GYG2: variants seen among roughly 807,000 people sequenced by gnomAD.
The protein encoded by GYG2 is glycogenin-2.
Under a neutral mutation model 29.4 loss-of-function variants are expected in GYG2, and 29 were observed. The observed-to-expected ratio is 0.99, with a 90% CI of 0.74 to 1.35. GYG2 has a LOEUF of 1.35. Among genes scored for constraint, GYG2 ranks in the 40% most tolerant of loss-of-function variants. GYG2 has a pLI of 0.00. For missense variants in GYG2, 370 were observed against 385.7 expected (o/e 0.96, Z 0.34); for synonymous variants, 167 against 172.3 (o/e 0.97, Z 0.24).
chrX:2,850,749 C>G (rs1284782824), intron 3 of GYG2, among the ~76,000 whole-genome samples: 1 of 110,863 alleles, frequency 9.0e-6, no homozygotes, highest in Non-Finnish European at 1.9e-5. Flanking sequence ...CCACTCCTGC[C>G]CACCAGAGAA....
At chrX:2,852,420 G>A (rs1172796079) in intron 3 of GYG2, among the ~76,000 whole-genome samples, 1 of 111,399 alleles carries the variant, frequency 9.0e-6, no homozygotes, top group Non-Finnish European at 1.9e-5. Flanking sequence ...TCTAGCACTT[G>A]CTTAATTTTT....
intron 3 of GYG2, among the ~76,000 whole-genome samples, chrX:2,844,999 A>ATATATTTATATACACATGTGTATG (rs1250374208): frequency 1.6e-5 from 1 of 61,093 alleles, no homozygotes; most frequent in African/African-American, 6.1e-5. Flanking sequence ...ATATGTTCAA[A>ATATATTTATATACACATGTGTATG]TATATTTATA....
At chrX:2,842,140 A>G (rs868312765) in intron 2 of GYG2, among the ~76,000 whole-genome samples, 18 of 110,937 alleles carry the variant, frequency 1.6e-4, no homozygotes, top group Middle Eastern at 4.6e-3. Context: ...TTTAAATAAC[A>G]TGTTTGGCTG....
Position 2,855,122 on chromosome X carries a change from C to T in GYG2, c.454C>T (p.Leu152=), listed in dbSNP as rs1302135637. ...TTCTCTCCACACGCATAAACTCCTG[C>T]TACAGCACGCCATGGAACACGGCAG... ...QPSLHTHKLL[L]QHAMEHGSFD... Residue 152 remains leucine, a synonymous_variant, in exon 5 of 11, where the codon CTA becomes TTA. Coordinates refer to ENST00000398806, the MANE Select transcript of GYG2 (RefSeq NM_001079855.2). The T allele has an allele frequency of 1.7e-6, 2 of 1,209,901 alleles. No homozygotes were observed. Among genetic ancestry groups the T allele is most frequent in the Non-Finnish European group, 2.2e-6 (2 of 894,931 alleles).
intron 2 of GYG2, among the ~76,000 whole-genome samples, chrX:2,834,456 C>A (rs1200412854): frequency 8.9e-6 from 1 of 111,967 alleles, no homozygotes; most frequent in Non-Finnish European, 1.9e-5. Context: ...CCATTTATCC[C>A]TGAGCTTGGA....
At chrX:2,874,443 C>G (rs1358209355) in intron 8 of GYG2, among the ~76,000 whole-genome samples, 1 of 112,518 alleles carries the variant, frequency 8.9e-6, no homozygotes, top group Non-Finnish European at 1.9e-5. Context: ...AGTGTCTCCC[C>G]CTTTAGACCA....
chrX:2,865,029 GA>G (rs1165751905), intron 8 of GYG2, among the ~76,000 whole-genome samples: 1 of 111,455 alleles, frequency 9.0e-6, no homozygotes, highest in African/African-American at 3.3e-5. Context: ...AAAGTTCTGG[GA>G]TTACAAGTGT....
chrX:2,863,507 T>C (rs1357754815), intron 8 of GYG2, among the ~76,000 whole-genome samples: 2 of 112,377 alleles, frequency 1.8e-5, no homozygotes, highest in Non-Finnish European at 3.8e-5. Flanking sequence ...TTCAGATAGC[T>C]CCGGGAGAGC....
chrX:2,864,551 AT>A (rs1243954198), intron 8 of GYG2, among the ~76,000 whole-genome samples: 1 of 110,484 alleles, frequency 9.1e-6, no homozygotes, highest in African/African-American at 3.3e-5. Flanking sequence ...GGGTTCCAAG[AT>A]TTACTTTCTT....
chrX:2,854,166 C>G lies in GYG2; in HGVS notation c.324+12C>G. ...ATGCAGACACTCTGGTGAGTGAAGA[C>G]TCTCTGCTTGATAGGAAACCCTCCA... On this transcript the variant is annotated intron_variant, in intron 4 of 10. Coordinates refer to ENST00000398806, the MANE Select transcript of GYG2 (RefSeq NM_001079855.2). The G allele has an allele frequency of 8.8e-7, 1 of 1,140,084 alleles. No individual in the cohort carries two copies. The highest frequency in any genetic ancestry group is 1.2e-6 in the Non-Finnish European group (1 of 843,043). 94.0% of individuals were successfully genotyped at this position (1,140,084 alleles called of 1,213,427 possible).
intron 3 of GYG2, among the ~76,000 whole-genome samples, chrX:2,849,479 T>G (rs2087820317): frequency 8.9e-6 from 1 of 112,183 alleles, no homozygotes; most frequent in African/African-American, 3.2e-5. Context: ...TCCTATTATA[T>G]TTCAGCTCTG....
At chrX:2,833,513 T>G (rs1200972301) in intron 2 of GYG2, among the ~76,000 whole-genome samples, 7 of 111,814 alleles carry the variant, frequency 6.3e-5, no homozygotes, top group African/African-American at 2.3e-4. Context: ...CAATGATCAC[T>G]CTGCCATTTC....
chrX:2,831,518 A>C (rs2087263782), intron 2 of GYG2, among the ~76,000 whole-genome samples: 1 of 111,952 alleles, frequency 8.9e-6, no homozygotes, highest in African/African-American at 3.2e-5. Flanking sequence ...GGCTGTTTTC[A>C]TGAGGTGTAC....
intron 3 of GYG2, among the ~76,000 whole-genome samples, chrX:2,847,315 A>G (rs1162973319): frequency 1.8e-5 from 2 of 111,003 alleles, no homozygotes; most frequent in African/African-American, 6.6e-5. Context: ...TTTAAAACCT[A>G]TTAATATCAT....
chrX:2,878,034 C>G, intron 10 of GYG2: 1 of 747,291 alleles, frequency 1.3e-6, no homozygotes, highest in Non-Finnish European at 1.6e-6. Context: ...GGTTACTGTT[C>G]AAATGCAGCA....
Position 2,872,977 on chromosome X carries a change from T to C in GYG2, c.1039-2833T>C, listed in dbSNP as rs375156863. ...TGCAGTTATTGCATTCGTCATTTTT[T>C]CCCAAGACTCATTTTGGTGTTTTGC... On this transcript the variant is annotated intron_variant, in intron 8 of 10. Coordinates refer to ENST00000398806, the MANE Select transcript of GYG2 (RefSeq NM_001079855.2). 3.6e-5 allele frequency among the ~76,000 whole-genome samples: 4 copies of C among 112,302 alleles called. No homozygotes were observed. The East Asian group carries it at 1.1e-3, about 31-fold the overall frequency.
At chrX:2,839,820 G>T (rs1301830937) in intron 2 of GYG2, among the ~76,000 whole-genome samples, 1 of 112,219 alleles carries the variant, frequency 8.9e-6, no homozygotes, top group African/African-American at 3.2e-5. Flanking sequence ...AGGCTACATA[G>T]TGTTTGATTC....
intron 8 of GYG2, among the ~76,000 whole-genome samples, chrX:2,872,772 A>C (rs938439984): frequency 9.0e-6 from 1 of 111,548 alleles, no homozygotes; most frequent in African/African-American, 3.3e-5. Context: ...TGGCTGCTTC[A>C]TTTATCCATC....
At chrX:2,844,925 T>C (rs2087630236) in intron 3 of GYG2, among the ~76,000 whole-genome samples, 1 of 106,469 alleles carries the variant, frequency 9.4e-6, no homozygotes, top group Non-Finnish European at 1.9e-5. Flanking sequence ...TACCTGTATG[T>C]ATATATGTTC....
Sources: gnomAD v4.1 joint callset for allele counts (sites outside exome capture counted in the v4.1 genomes callset) on GRCh38, gnomAD v4.1.1 for gene constraint, MANE v1.5 for transcripts, NCBI Gene and HGNC (gene_info 2026-07-23, HGNC 2026-07-21) for gene names.